CMIP: variants seen among roughly 807,000 people sequenced by gnomAD.
CMIP encodes the protein C-Maf-inducing protein.
In CMIP, 13 loss-of-function variants were observed where a neutral mutation model predicts 97.3. That is an observed-to-expected ratio of 0.13 (90% CI 0.09 to 0.21). The LOEUF (loss-of-function observed/expected upper bound fraction) is 0.21. CMIP is among the 10% of genes least tolerant of loss of function. CMIP has a pLI of 1.00. For missense variants in CMIP, 847 were observed against 1,024.9 expected (o/e 0.83, Z 2.37); for synonymous variants, 538 against 436.3 (o/e 1.23, Z -2.91).
At chr16:81,696,910 GCA>G in intron 14 of CMIP, 1 of 567,492 alleles carries the variant, frequency 1.8e-6, no homozygotes, top group East Asian at 3.0e-5. Context: ...AGCTCTCACA[GCA>G]CAGTGAGAAG....
chr16:81,676,348 T>C (rs72831111), intron 9 of CMIP, among the ~76,000 whole-genome samples: 11,502 of 151,708 alleles, frequency 0.076, 468 homozygotes, highest in Non-Finnish European at 0.09. Flanking sequence ...AAGTCCGTCA[T>C]GTCCTCCAGG....
intron 4 of CMIP, among the ~76,000 whole-genome samples, chr16:81,656,812 G>A (rs2092487803): frequency 6.6e-6 from 1 of 152,012 alleles, no homozygotes; most frequent in South Asian, 2.1e-4. Flanking sequence ...TGTAGAGACG[G>A]GGTTTCACCA....
intron 1 of CMIP, among the ~76,000 whole-genome samples, chr16:81,523,811 CG>C (rs1191246307): frequency 6.6e-6 from 1 of 152,236 alleles, no homozygotes; most frequent in African/African-American, 2.4e-5. Flanking sequence ...CCCTGAACCT[CG>C]CTCAGACACA....
intron 9 of CMIP, among the ~76,000 whole-genome samples, chr16:81,678,057 A>G (rs905153451): frequency 4.6e-5 from 7 of 152,220 alleles, no homozygotes; most frequent in African/African-American, 1.4e-4. Flanking sequence ...GAGACAGGCA[A>G]CCTGGGTTGG....
rs547639577 is a variant in CMIP, at chr16:81,453,195, C to T, written c.300+7654C>T. ...CTGCCTTCCCATGGCATCCTTTGTT[C>T]GTGGCTCTACTGCTTTCAAGCTACT... is the stretch of plus-strand genomic sequence containing the variant. On this transcript the variant is annotated intron_variant, in intron 1 of 20. Coordinates refer to ENST00000537098, the MANE Select transcript of CMIP (RefSeq NM_198390.3). The surrounding 1 kb of genome is among the most constrained non-coding windows in gnomAD (Gnocchi z 4.0). Among the ~76,000 whole-genome samples the T allele has an allele frequency of 2.0e-5, 3 of 152,294 alleles. No homozygotes were observed. Among genetic ancestry groups the T allele is most frequent in the South Asian group, 2.1e-4 (1 of 4,822 alleles).
chr16:81,693,580 C>A, intron 13 of CMIP, 93 bp downstream of exon 13: 1 of 1,369,666 alleles, frequency 7.3e-7, no homozygotes, highest in Non-Finnish European at 1.0e-6. Flanking sequence ...TTGTCACCAA[C>A]AGGCATTCAG....
At chr16:81,642,732 C>G (rs536841022) in intron 3 of CMIP, among the ~76,000 whole-genome samples, 2 of 152,062 alleles carry the variant, frequency 1.3e-5, no homozygotes, top group Non-Finnish European at 2.9e-5. Flanking sequence ...CCTGTCTCTA[C>G]TAAAAATATA....
chr16:81,580,019 A>T (rs1159468068), intron 1 of CMIP, among the ~76,000 whole-genome samples: 1 of 152,264 alleles, frequency 6.6e-6, no homozygotes, highest in African/African-American at 2.4e-5. Context: ...AGCTAGGATA[A>T]CTGTGGCTCA....
At chr16:81,608,833 G>A (rs2150943628) in intron 2 of CMIP, among the ~76,000 whole-genome samples, 1 of 152,374 alleles carries the variant, frequency 6.6e-6, no homozygotes, top group Middle Eastern at 3.4e-3. Flanking sequence ...AAGAAGACCT[G>A]CCTTGCTTTT....
Position 81,483,095 on chromosome 16 carries a change from G to A in CMIP, c.300+37554G>A, listed in dbSNP as rs560407452. Among the ~76,000 whole-genome samples the A allele has an allele frequency of 1.9e-3, 284 of 152,364 alleles. 1 individual carries two copies. Among genetic ancestry groups the A allele is most frequent in the Non-Finnish European group, 1.1e-3 (73 of 68,036 alleles). On this transcript the variant is annotated intron_variant, in intron 1 of 20. Coordinates refer to ENST00000537098, the MANE Select transcript of CMIP (RefSeq NM_198390.3). ...CTAAGTGCTGTGGAGGAAACCATCA[G>A]ACGAGGGAGGACAGAAGTATTGGTA...
In CMIP at chr16:81,646,128, GTGGGTGGGTGGATAGT is replaced by G. The variant is rs1206354598; in HGVS notation, c.478-6056_478-6041del. On this transcript the variant is annotated intron_variant, in intron 3 of 20. Transcript: ENST00000537098. ...GATGAGGTGGGTGAAGGATGGATGG[GTGGGTGGGTGGATAGT>G]TGGGTGGGTGGATAGTTGAGAGGGT... is the stretch of plus-strand genomic sequence containing the variant. Among the ~76,000 whole-genome samples the G allele has an allele frequency of 7.9e-5, 12 of 151,420 alleles. No individual in the cohort carries two copies. In the South Asian group the frequency reaches 1.5e-3, roughly 18 times the overall value.
intron 1 of CMIP, among the ~76,000 whole-genome samples, chr16:81,515,214 GCT>G (rs977523884): frequency 2.3e-4 from 35 of 152,328 alleles, no homozygotes; most frequent in African/African-American, 8.4e-4. Flanking sequence ...TTTATTCTGG[GCT>G]CTAGGGCTGA....
intron 3 of CMIP, among the ~76,000 whole-genome samples, chr16:81,636,662 C>T (rs1483152163): frequency 2.6e-5 from 4 of 151,438 alleles, no homozygotes; most frequent in African/African-American, 9.7e-5. Flanking sequence ...CGTCATGATT[C>T]CAATTTCTGA....
intron 3 of CMIP, among the ~76,000 whole-genome samples, chr16:81,640,423 C>T (rs896098535): frequency 2.0e-5 from 3 of 152,228 alleles, no homozygotes; most frequent in South Asian, 4.2e-4. Flanking sequence ...CTCGAGTCAC[C>T]GCAGTAAGAT....
At chr16:81,676,186 C>T (rs1041957389) in intron 9 of CMIP, among the ~76,000 whole-genome samples, 3 of 152,180 alleles carry the variant, frequency 2.0e-5, no homozygotes, top group African/African-American at 4.8e-5. Context: ...AGCCCTGGCT[C>T]AGCTGTGTTG....
intron 1 of CMIP, among the ~76,000 whole-genome samples, chr16:81,515,144 C>A (rs141819144): frequency 1.7e-3 from 258 of 152,352 alleles, no homozygotes; most frequent in African/African-American, 5.9e-3. Flanking sequence ...GCCAGACCGT[C>A]TTCTCCCAGT....
intron 1 of CMIP, among the ~76,000 whole-genome samples, chr16:81,571,587 C>CAAAAA (rs397854647): frequency 1.0e-4 from 9 of 87,462 alleles, no homozygotes; most frequent in Middle Eastern, 6.3e-3. Flanking sequence ...TCATCTCTAC[C>CAAAAA]AAAAAAAAAA....
intron 1 of CMIP, among the ~76,000 whole-genome samples, chr16:81,508,772 A>G (rs1277735366): frequency 1.3e-5 from 2 of 152,244 alleles, no homozygotes; most frequent in African/African-American, 2.4e-5. Context: ...GATGGTGTGC[A>G]GAATGATCTG....
intron 1 of CMIP, among the ~76,000 whole-genome samples, chr16:81,581,960 C>T (rs1270264407): frequency 6.6e-6 from 1 of 152,144 alleles, no homozygotes; most frequent in Non-Finnish European, 1.5e-5. Context: ...GCAGGCTGTG[C>T]AGAAAGCATG....
Sources: allele counts gnomAD v4.1 joint callset (sites outside exome capture counted in the v4.1 genomes callset), GRCh38; gene constraint gnomAD v4.1.1; non-coding constraint Gnocchi (gnomAD v3.1); transcripts MANE v1.5; gene names NCBI Gene and HGNC (gene_info 2026-07-23, HGNC 2026-07-21).